Variants in CENPC observed in about 807,000 individuals in gnomAD.
The protein encoded by CENPC is centromere protein C.
A neutral mutation model predicts 112.1 loss-of-function variants in CENPC; 63 were observed. The ratio of observed to expected loss-of-function variants is 0.56; its 90% confidence interval spans 0.46 to 0.69. CENPC has a LOEUF of 0.69. CENPC is among the 30% of genes least tolerant of loss of function. CENPC has a pLI of 0.00. For synonymous variants in CENPC, 333 were observed against 367.6 expected (o/e 0.91, Z 1.08); for missense variants, 1,000 against 1,103.8 (o/e 0.91, Z 1.33).
intron 8 of CENPC, among the ~76,000 whole-genome samples, chr4:67,512,830 T>G (rs551701867): frequency 1.3e-5 from 2 of 152,260 alleles, no homozygotes; most frequent in South Asian, 4.1e-4. Context: ...AATAAGTATC[T>G]TCTGAAACTG....
chr4:67,540,056 T>A, intron 3 of CENPC, 122 bp from the exon 4 acceptor site: 1 of 515,956 alleles, frequency 1.9e-6, no homozygotes, highest in Non-Finnish European at 3.3e-6. Context: ...CACAATTAGC[T>A]TAAATCAAGT....
intron 12 of CENPC, among the ~76,000 whole-genome samples, chr4:67,504,812 A>G (rs1287113913): frequency 6.6e-6 from 1 of 151,816 alleles, no homozygotes; most frequent in East Asian, 1.9e-4. Flanking sequence ...ACAGAGCGAG[A>G]CTCCGTCTCA....
Position 67,529,485 on chromosome 4 carries a change from C to A in CENPC, c.331+1330G>T, listed in dbSNP as rs185506315. Reference sequence around the variant, plus strand: ...GGATAACAGGTACTTGCCACCACGCCTGGCAAATTTTGGTATTTTTAGTAG... The same window carrying A: ...GGATAACAGGTACTTGCCACCACGCATGGCAAATTTTGGTATTTTTAGTAG... On this transcript the variant is annotated intron_variant, in intron 5 of 18. Transcript: ENST00000273853. 2.6e-5 allele frequency among the ~76,000 whole-genome samples: 4 copies of A among 152,090 alleles called. 1 individual carries two copies. The highest frequency in any genetic ancestry group is 9.6e-5 in the African/African-American group (4 of 41,494).
chr4:67,525,223 C>A lies in CENPC; in HGVS notation c.331+5592G>T, dbSNP rs1009119601. Among the ~76,000 whole-genome samples the A allele has an allele frequency of 4.6e-5, 7 of 152,222 alleles. No homozygotes were observed. The Middle Eastern group carries it at 0.01, about 223-fold the overall frequency. On this transcript the variant is annotated intron_variant, in intron 5 of 18. Coordinates refer to ENST00000273853, the MANE Select transcript of CENPC (RefSeq NM_001812.4). ...ATTTAAGACCTAACATCATAAAAAC[C>A]CTAGAAGAAAACCTAGGCAATACCA... is the stretch of plus-strand genomic sequence containing the variant.
chr4:67,513,781 T>C (rs941774272), intron 8 of CENPC, among the ~76,000 whole-genome samples: 5 of 152,172 alleles, frequency 3.3e-5, no homozygotes, highest in African/African-American at 1.2e-4. Flanking sequence ...TTTTATTTTC[T>C]AAATAATTTA....
intron 5 of CENPC, among the ~76,000 whole-genome samples, chr4:67,527,263 G>T (rs1466724172): frequency 6.6e-6 from 1 of 151,962 alleles, no homozygotes; most frequent in Non-Finnish European, 1.5e-5. Flanking sequence ...ATATGTATAA[G>T]CCACCATATC....
At chr4:67,533,178 T>A (rs1468979320) in intron 4 of CENPC, among the ~76,000 whole-genome samples, 1 of 152,226 alleles carries the variant, frequency 6.6e-6, no homozygotes, top group Non-Finnish European at 1.5e-5. Flanking sequence ...AATTGAATCA[T>A]CAGGGTCAGT....
Position 67,545,336 on chromosome 4 carries a change from A to T in CENPC, c.18+2T>A. 1.3e-6 allele frequency: 2 copies of T among 1,519,600 alleles called. No individual in the cohort carries two copies. The highest frequency in any genetic ancestry group is 1.8e-6 in the Non-Finnish European group (2 of 1,129,634). 94.1% of individuals were successfully genotyped at this position (1,519,600 alleles called of 1,614,324 possible). ...CGCCTGGAGCGGGGGGCCTGCACTT[A>T]CCAGACCGGACGCAGCCATGTTCCG... is the stretch of plus-strand genomic sequence containing the variant. On this transcript the variant is annotated splice_donor_variant, in intron 1 of 18. Transcript: ENST00000273853. LOFTEE classifies it high-confidence loss of function.
intron 15 of CENPC, among the ~76,000 whole-genome samples, chr4:67,492,560 G>A (rs1040611381): frequency 2.6e-5 from 4 of 152,148 alleles, no homozygotes; most frequent in African/African-American, 9.6e-5. Flanking sequence ...ATCTCTAAGT[G>A]AGATAGAGGT....
intron 5 of CENPC, among the ~76,000 whole-genome samples, chr4:67,521,818 C>T (rs1726237172): frequency 6.6e-6 from 1 of 152,170 alleles, no homozygotes; most frequent in Admixed American, 6.5e-5. Context: ...ACACATACTA[C>T]AACATGGATG....
intron 17 of CENPC, among the ~76,000 whole-genome samples, chr4:67,477,452 T>C (rs1724836468): frequency 6.6e-6 from 1 of 152,078 alleles, no homozygotes; most frequent in South Asian, 2.1e-4. Flanking sequence ...AGAAGAGCAA[T>C]AGCAATCACT....
intron 16 of CENPC, 102 bp from the exon 17 acceptor site, chr4:67,490,223 T>C (rs1725203794): frequency 1.3e-6 from 1 of 796,992 alleles, no homozygotes. Context: ...TGGATATAAA[T>C]CTGCCTTAGA....
At chr4:67,500,375 T>A (rs1165171354) in intron 12 of CENPC, among the ~76,000 whole-genome samples, 1 of 151,736 alleles carries the variant, frequency 6.6e-6, no homozygotes, top group Non-Finnish European at 1.5e-5. Flanking sequence ...TATATATATA[T>A]CTATTTCCTA....
intron 16 of CENPC, 110 bp downstream of exon 16, chr4:67,492,070 C>G: frequency 1.4e-6 from 1 of 699,594 alleles, no homozygotes; most frequent in East Asian, 2.8e-5. Context: ...GACTTTAGCA[C>G]TGATAGAATT....
At chr4:67,497,748 G>C (rs1333593727) in intron 12 of CENPC, among the ~76,000 whole-genome samples, 5 of 151,880 alleles carry the variant, frequency 3.3e-5, no homozygotes, top group African/African-American at 1.2e-4. Flanking sequence ...GGCCAGGCTG[G>C]TCACAAACTC....
At chr4:67,503,125 A>G (rs1375766230) in intron 12 of CENPC, among the ~76,000 whole-genome samples, 1 of 152,130 alleles carries the variant, frequency 6.6e-6, no homozygotes, top group Non-Finnish European at 1.5e-5. Flanking sequence ...CGCTCTTAGT[A>G]AAATTTTGCC....
chr4:67,492,172 G>C lies in CENPC; in HGVS notation c.2515+8C>G, dbSNP rs375537654. The C allele has an allele frequency of 2.7e-5, 42 of 1,527,420 alleles. No individual in the cohort carries two copies. Among genetic ancestry groups the C allele is most frequent in the African/African-American group, 2.7e-5 (2 of 72,820 alleles). 94.6% of individuals were successfully genotyped at this position (1,527,420 alleles called of 1,614,324 possible). A position where few individuals can be genotyped will look rare whatever the true frequency, so the allele number is the denominator to read the frequency against. On this transcript the variant is annotated splice_region_variant and intron_variant, in intron 16 of 18. Transcript: ENST00000273853. Reference sequence around the variant, plus strand: ...ATTAAGTATTTTCAGTATCATGCCTGATCTTACCCATGAGAATAATCTCTC... The same window carrying C: ...ATTAAGTATTTTCAGTATCATGCCTCATCTTACCCATGAGAATAATCTCTC...
At chr4:67,528,816 A>G (rs1726459013) in intron 5 of CENPC, among the ~76,000 whole-genome samples, 1 of 152,064 alleles carries the variant, frequency 6.6e-6, no homozygotes, top group Non-Finnish European at 1.5e-5. Flanking sequence ...CCTGCTTTCA[A>G]TTCTTTTGGG....
chr4:67,517,756 G>A (rs1241767693), intron 7 of CENPC, among the ~76,000 whole-genome samples: 5 of 151,952 alleles, frequency 3.3e-5, no homozygotes, highest in African/African-American at 1.2e-4. Flanking sequence ...AGAATCTCTT[G>A]AACCCAGGAG....
Sources: allele counts gnomAD v4.1 joint callset (sites outside exome capture counted in the v4.1 genomes callset), GRCh38; gene constraint gnomAD v4.1.1; transcripts MANE v1.5; gene names NCBI Gene and HGNC (gene_info 2026-07-23, HGNC 2026-07-21).